MILR1: variants seen among roughly 807,000 people sequenced by gnomAD.
MILR1 encodes the protein allergin-1.
Under a neutral mutation model 18.5 loss-of-function variants are expected in MILR1, and 31 were observed. The ratio of observed to expected loss-of-function variants is 1.68; its 90% CI spans 1.26 to 2.26. MILR1 has a LOEUF of 2.26. Among genes scored for constraint, MILR1 ranks in the 30% most tolerant of loss-of-function variants. The probability of loss-of-function intolerance (pLI) is 0.00; values close to 1 mark genes in which losing one functional copy is unlikely to be tolerated. For missense variants in MILR1, 257 were observed against 157.4 expected, an observed-to-expected ratio of 1.63 and a Z score of -3.38; for synonymous variants, 85 against 56.2, an observed-to-expected ratio of 1.51 and a Z score of -2.30.
the MILR1 span, among the ~76,000 whole-genome samples, chr17:64,477,498 G>A: frequency 6.6e-6 from 1 of 152,142 alleles, no homozygotes; most frequent in Non-Finnish European, 1.5e-5. Flanking sequence ...AAACACCAGC[G>A]TACTAAACAT....
chr17:64,464,432 G>T (rs2037503638), intron 5 of MILR1, among the ~76,000 whole-genome samples: 1 of 151,474 alleles, frequency 6.6e-6, no homozygotes, highest in Non-Finnish European at 1.5e-5. Flanking sequence ...TAGAGACAAG[G>T]TCTCACTATG....
At chr17:64,463,664 G>T (rs944446709) in intron 5 of MILR1, among the ~76,000 whole-genome samples, 1 of 151,986 alleles carries the variant, frequency 6.6e-6, no homozygotes, top group Non-Finnish European at 1.5e-5. Flanking sequence ...GCATCTTTAA[G>T]ATTTTATTTT....
chr17:64,486,393 C>T, the MILR1 span, among the ~76,000 whole-genome samples: 5 of 150,064 alleles, frequency 3.3e-5, no homozygotes, highest in Non-Finnish European at 5.9e-5. Flanking sequence ...CAGAGTCTCG[C>T]TCTGTCACCC....
At chr17:64,489,907 TATTA>T in the MILR1 span, among the ~76,000 whole-genome samples, 1 of 152,156 alleles carries the variant, frequency 6.6e-6, no homozygotes, top group Non-Finnish European at 1.5e-5. Flanking sequence ...CCACAACACT[TATTA>T]ATTACTAGTT....
the MILR1 span, chr17:64,485,837 C>CAAGG: frequency 1.2e-6 from 2 of 1,613,830 alleles, no homozygotes; most frequent in African/African-American, 2.7e-5. Flanking sequence ...AGAGAGAACA[C>CAAGG]AAGGAACCAC....
the MILR1 span, among the ~76,000 whole-genome samples, chr17:64,476,606 T>C: frequency 1.3e-5 from 2 of 152,144 alleles, no homozygotes; most frequent in Non-Finnish European, 1.5e-5. Flanking sequence ...AAAGGTTGAT[T>C]GTTGTTGGTG....
downstream of MILR1, among the ~76,000 whole-genome samples, chr17:64,470,252 C>T (rs1180011784): frequency 2.0e-5 from 3 of 152,124 alleles, no homozygotes; most frequent in East Asian, 5.8e-4. Flanking sequence ...CACCACCATG[C>T]CCAGCTAATT....
chr17:64,472,973 G>T (rs2037712262), downstream of MILR1, among the ~76,000 whole-genome samples: 1 of 152,172 alleles, frequency 6.6e-6, no homozygotes, highest in Non-Finnish European at 1.5e-5. Context: ...AATCTTGCTG[G>T]GATGAGGAGC....
intron 5 of MILR1, among the ~76,000 whole-genome samples, chr17:64,462,309 C>T (rs975417202): frequency 1.3e-5 from 2 of 152,212 alleles, no homozygotes; most frequent in African/African-American, 4.8e-5. Context: ...GGATTATAGG[C>T]GTGAGCCACT....
At chr17:64,462,826 A>T (rs1430276701) in intron 5 of MILR1, among the ~76,000 whole-genome samples, 6 of 151,734 alleles carry the variant, frequency 4.0e-5, no homozygotes, top group African/African-American at 1.5e-4. Context: ...GGGTTTCACC[A>T]TGTTGGTCAG....
the MILR1 span, among the ~76,000 whole-genome samples, chr17:64,495,125 C>T: frequency 1.1e-3 from 155 of 141,194 alleles, no homozygotes; most frequent in Admixed American, 2.7e-3. Context: ...TTGCAGTGAG[C>T]CGAGATTGTG....
At chr17:64,479,477 G>A in the MILR1 span, among the ~76,000 whole-genome samples, 6 of 152,010 alleles carry the variant, frequency 3.9e-5, no homozygotes, top group Admixed American at 3.9e-4. Context: ...GAGCCACTGC[G>A]CCCAGCCTGG....
chr17:64,460,811 T>C lies in MILR1; in HGVS notation c.653-11T>C, dbSNP rs2037414118. ...ATGCTATGGTCACCAATGGATGCGG[T>C]CTTCTTCCAGGCGGAGACAGCTGTC... On this transcript the variant is annotated splice_polypyrimidine_tract_variant and intron_variant, in intron 4 of 9. Coordinates refer to ENST00000619286, the MANE Select transcript of MILR1 (RefSeq NM_001085423.2). The C allele has an allele frequency of 2.1e-6, 1 of 474,856 alleles. No homozygotes were observed. Among genetic ancestry groups the C allele is most frequent in the Admixed American group, 3.2e-5 (1 of 31,722 alleles). The allele number at this position is 474,856 out of a possible 1,614,324, so 29.4% of individuals were successfully genotyped here.
At chr17:64,490,920 T>A in the MILR1 span, 1 of 1,614,048 alleles carries the variant, frequency 6.2e-7, no homozygotes, top group Non-Finnish European at 8.5e-7. Context: ...TTTCCGGCCT[T>A]CTTCATCCTG....
chr17:64,465,498 C>G lies in MILR1; in HGVS notation c.810C>G (p.Ala270=), dbSNP rs1555662945. The G allele has an allele frequency of 6.2e-7, 1 of 1,611,032 alleles. No homozygotes were observed. Among genetic ancestry groups the G allele is most frequent in the African/African-American group, 1.3e-5 (1 of 74,970 alleles). ...TGCCCAGGGACCGTGGAGACACAGC[C>G]ATGGAAGTTGGAATCTATGCAAATA... The part of the protein sequence containing the change: ...NNVPRDRGDT[A]MEVGIYANIL... Residue 270 remains alanine, a synonymous_variant, in exon 6 of 10, where the codon GCC becomes GCG. Transcript: ENST00000619286.
At chr17:64,454,078 C>CA (rs1938048465) in intron 3 of MILR1, among the ~76,000 whole-genome samples, 1 of 151,256 alleles carries the variant, frequency 6.6e-6, no homozygotes, top group African/African-American at 2.4e-5. Flanking sequence ...TACAGGCATG[C>CA]ACCACCATGC....
chr17:64,478,567 T>G, the MILR1 span, among the ~76,000 whole-genome samples: 3 of 152,322 alleles, frequency 2.0e-5, no homozygotes, highest in East Asian at 5.8e-4. Context: ...CTCTGTTTAT[T>G]TATTGTCTAT....
At chr17:64,462,857 C>T (rs1163410882) in intron 5 of MILR1, among the ~76,000 whole-genome samples, 1 of 151,940 alleles carries the variant, frequency 6.6e-6, no homozygotes, top group Non-Finnish European at 1.5e-5. Context: ...AACTCCTGAC[C>T]TCAGGTGATC....
chr17:64,493,573 C>T, the MILR1 span, among the ~76,000 whole-genome samples: 2 of 152,250 alleles, frequency 1.3e-5, no homozygotes, highest in South Asian at 4.1e-4. Flanking sequence ...CAACCTCCGC[C>T]TCCCGGGTTC....
Sources: allele counts gnomAD v4.1 joint callset (sites outside exome capture counted in the v4.1 genomes callset), GRCh38; gene constraint gnomAD v4.1.1; transcripts MANE v1.5; gene names NCBI Gene and HGNC (gene_info 2026-07-23, HGNC 2026-07-21).